NCOA2: variants seen among roughly 807,000 people sequenced by gnomAD.
The protein encoded by NCOA2 is nuclear receptor coactivator 2.
In NCOA2, 21 loss-of-function variants were observed where a neutral mutation model predicts 145.1. That is an observed-to-expected ratio of 0.14 (90% CI 0.10 to 0.21). The LOEUF is 0.21. Among genes scored for constraint, NCOA2 ranks in the 10% least tolerant of loss-of-function variants. The pLI, the probability that NCOA2 is intolerant of heterozygous loss-of-function variation, is 1.00. For missense variants in NCOA2, 1,472 were observed against 1,837.6 expected, an observed-to-expected ratio of 0.80 and a Z score of 3.64; for synonymous variants, 619 against 637.5, an observed-to-expected ratio of 0.97 and a Z score of 0.44.
At chr8:70,282,460 T>C (rs1184127864) in intron 2 of NCOA2, among the ~76,000 whole-genome samples, 1 of 151,914 alleles carries the variant, frequency 6.6e-6, no homozygotes, top group Non-Finnish European at 1.5e-5. Context: ...CCGAGACAGG[T>C]GGATTACTGG....
Position 70,157,186 on chromosome 8 carries a change from C to T in NCOA2, c.1179G>A (p.Lys393=). 6.3e-7 allele frequency: 1 copy of T among 1,594,192 alleles called. No individual in the cohort carries two copies. Among genetic ancestry groups the T allele is most frequent in the Non-Finnish European group, 8.6e-7 (1 of 1,167,588 alleles). Residue 393 remains lysine, a synonymous_variant, in exon 11 of 23, where the codon AAG becomes AAA. Coordinates refer to ENST00000452400, the MANE Select transcript of NCOA2 (RefSeq NM_006540.4). ...NPDLTGQTMG[K]PLNPISSNSP... is the part of the protein sequence containing the mutation. ...TGTTAGAGCTAATTGGATTCAGTGGCTTCCCCATCGTTTGTCCAGTCAGAT... is the reference window on the plus strand; with the variant it reads ...TGTTAGAGCTAATTGGATTCAGTGGTTTCCCCATCGTTTGTCCAGTCAGAT...
At chr8:70,155,470 G>T (rs951886284) in intron 11 of NCOA2, among the ~76,000 whole-genome samples, 4 of 152,198 alleles carry the variant, frequency 2.6e-5, no homozygotes, top group Non-Finnish European at 5.9e-5. Flanking sequence ...TATAACAGAG[G>T]TCAGCAAACT....
At chr8:70,214,304 T>C (rs1819360379) in intron 3 of NCOA2, among the ~76,000 whole-genome samples, 1 of 152,194 alleles carries the variant, frequency 6.6e-6, no homozygotes, top group Non-Finnish European at 1.5e-5. Flanking sequence ...GTGTTTGGCG[T>C]CTCCCACTGG....
At chr8:70,379,636 C>T (rs1343246489) in intron 1 of NCOA2, among the ~76,000 whole-genome samples, 1 of 152,070 alleles carries the variant, frequency 6.6e-6, no homozygotes, top group Non-Finnish European at 1.5e-5. Flanking sequence ...TTATACAAAG[C>T]ACACCCGAAG....
chr8:70,216,210 G>A (rs982576819), intron 3 of NCOA2, among the ~76,000 whole-genome samples: 2 of 152,234 alleles, frequency 1.3e-5, no homozygotes, highest in African/African-American at 4.8e-5. Context: ...TAATATATGA[G>A]ATGAAATTTG....
intron 5 of NCOA2, 130 bp from the exon 6 acceptor site, chr8:70,170,509 C>T: frequency 1.3e-6 from 1 of 758,946 alleles, no homozygotes; most frequent in East Asian, 3.2e-5. Context: ...TTTCTCAGCC[C>T]TCTCCCAGTT....
At chr8:70,208,337 G>A (rs1818680205) in intron 4 of NCOA2, among the ~76,000 whole-genome samples, 1 of 152,166 alleles carries the variant, frequency 6.6e-6, no homozygotes, top group African/African-American at 2.4e-5. Context: ...GCAAAGGTGA[G>A]TTCATAAAGT....
At chr8:70,305,166 C>T (rs765297920) in intron 1 of NCOA2, among the ~76,000 whole-genome samples, 1 of 150,314 alleles carries the variant, frequency 6.7e-6, no homozygotes, top group Admixed American at 6.7e-5. Context: ...GTTTTACAGG[C>T]GTGACCCACC....
chr8:70,386,023 G>A (rs545902837), intron 1 of NCOA2, among the ~76,000 whole-genome samples: 4 of 152,216 alleles, frequency 2.6e-5, no homozygotes, highest in Non-Finnish European at 4.4e-5. Flanking sequence ...CAAACAGTAC[G>A]TGCAGACTGA....
chr8:70,297,934 A>G (rs1483996065), intron 1 of NCOA2, among the ~76,000 whole-genome samples: 2 of 152,186 alleles, frequency 1.3e-5, no homozygotes, highest in Admixed American at 1.3e-4. Flanking sequence ...CTGCTTTTGT[A>G]TATTTTATGG....
intron 7 of NCOA2, among the ~76,000 whole-genome samples, chr8:70,165,593 G>C (rs965394504): frequency 2.6e-5 from 4 of 152,184 alleles, no homozygotes; most frequent in African/African-American, 9.7e-5. Flanking sequence ...TGTGTGGACG[G>C]CTTGCCTAGT....
rs1812265480 is a variant in NCOA2, at chr8:70,156,179, G to T, written c.2186C>A (p.Thr729Asn). The T allele has an allele frequency of 4.3e-6, 7 of 1,613,858 alleles. No individual in the cohort carries two copies. The East Asian group carries it at 1.1e-4, about 26-fold the overall frequency. The stretch of plus-strand genomic sequence containing the variant: ...GGGGCTCACCGGCTCTTGTTTAATA[G>T]TCACTTCTGATCCAGGAGCTGTGCT... ...SSSTAPGSEVTIKQEPVSPKK... is the reference protein window; with the variant it reads ...SSSTAPGSEVNIKQEPVSPKK... Residue 729 changes from threonine (T) to asparagine (N), a missense_variant, in exon 11 of 23, where the codon ACT (threonine) becomes AAT (asparagine). Physicochemically the swap from Thr to Asn is moderately conservative, Grantham distance 65. Around this residue, in one of 4 missense-constraint regions of NCOA2, gnomAD observed 953 missense variants for 1,062.1 expected, o/e 0.90. Transcript: ENST00000452400.
At chr8:70,369,115 C>T (rs942696932) in intron 1 of NCOA2, among the ~76,000 whole-genome samples, 1 of 152,178 alleles carries the variant, frequency 6.6e-6, no homozygotes, top group Non-Finnish European at 1.5e-5. Flanking sequence ...ACTTGAGCAA[C>T]ATTTTAAATG....
At chr8:70,396,329 CT>C (rs919727420) in intron 1 of NCOA2, among the ~76,000 whole-genome samples, 24 of 152,166 alleles carry the variant, frequency 1.6e-4, no homozygotes, top group African/African-American at 5.5e-4. Flanking sequence ...ATTTTCTGAG[CT>C]TTTTATTGTG....
At chr8:70,207,304 G>T (rs1286617864) in intron 4 of NCOA2, among the ~76,000 whole-genome samples, 1 of 152,144 alleles carries the variant, frequency 6.6e-6, no homozygotes, top group Admixed American at 6.5e-5. Context: ...CTTGGGTCTT[G>T]AAGTGAGAGC....
At chr8:70,259,615 AATAT>A (rs1163541103) in intron 2 of NCOA2, among the ~76,000 whole-genome samples, 2 of 152,258 alleles carry the variant, frequency 1.3e-5, no homozygotes, top group Admixed American at 6.5e-5. Flanking sequence ...TAGATGAAGA[AATAT>A]ATATAGAGCA....
At chr8:70,420,891 C>T in the NCOA2 span, among the ~76,000 whole-genome samples, 1 of 152,132 alleles carries the variant, frequency 6.6e-6, no homozygotes, top group East Asian at 1.9e-4. Context: ...GATCTGCCTG[C>T]GTTGGCCTCC....
At position 70,373,756 on chromosome 8, in the gene NCOA2, T is replaced by C. The variant is rs1811423698; in HGVS notation, c.-77+29944A>G. On this transcript the variant is annotated intron_variant, in intron 1 of 22. Transcript: ENST00000452400. ...AAGGTCAAGTAGACAAGGTTCATTT[T>C]TTCCCATACCAATATCCAGTTGTTT... Among the ~76,000 whole-genome samples the C allele has an allele frequency of 2.6e-5, 4 of 152,204 alleles. No individual in the cohort carries two copies. The South Asian group carries it at 8.3e-4, about 31-fold the overall frequency.
At chr8:70,362,444 T>C (rs1216625425) in intron 1 of NCOA2, among the ~76,000 whole-genome samples, 1 of 152,112 alleles carries the variant, frequency 6.6e-6, no homozygotes, top group Admixed American at 6.5e-5. Context: ...TCAGCAAATA[T>C]AAGGAATTCT....
Sources: gnomAD v4.1 joint callset for allele counts (sites outside exome capture counted in the v4.1 genomes callset) on GRCh38, gnomAD v4.1.1 for gene constraint, gnomAD v4.1.1 regional missense constraint, MANE v1.5 for transcripts, NCBI Gene and HGNC (gene_info 2026-07-23, HGNC 2026-07-21) for gene names.